The following ZNF878 variants were observed in gnomAD, a reference collection of about 807,000 sequenced individuals.
ZNF878 encodes zinc finger protein 878.
In ZNF878, 10 loss-of-function variants were observed where a neutral mutation model predicts 11.1. The observed-to-expected ratio is 0.90, with a 90% CI of 0.56 to 1.53. ZNF878 has a LOEUF of 1.53. Among genes scored for constraint, ZNF878 ranks in the 40% most tolerant of loss-of-function variants. The pLI is 0.00. For synonymous variants in ZNF878, 165 were observed against 209.7 expected (o/e 0.79, Z 1.84); for missense variants, 548 against 626.1 (o/e 0.88, Z 1.33).
chr19:12,052,683 C>T, intron 1 of ZNF878, 116 bp downstream of exon 1: 2 of 1,327,442 alleles, frequency 1.5e-6, no homozygotes, highest in Non-Finnish European at 2.0e-6. Flanking sequence ...GCTAGGGGGA[C>T]TGTGTCTGGA....
rs2051149061 is a variant in ZNF878 at position 12,044,952 on chromosome 19, T to G, written c.449A>C (p.Lys150Thr). 1.2e-6 allele frequency: 2 copies of G among 1,614,038 alleles called. No individual in the cohort carries two copies. Among genetic ancestry groups the G allele is most frequent in the Admixed American group, 3.3e-5 (2 of 59,992 alleles). The change falls in exon 4 of 4, where the codon AAA (lysine) becomes ACA (threonine). Residue 150 changes from lysine (K) to threonine (T), a missense_variant. Lys to Thr is a moderately conservative substitution (Grantham distance 78). Around this residue, in one of 3 missense-constraint regions of ZNF878, gnomAD observed 160 missense variants for 173.3 expected, o/e 0.92. Coordinates refer to ENST00000547628, the MANE Select transcript of ZNF878 (RefSeq NM_001080404.3). ...EKPYECKECG[K>T]AFRFPSSVRR... Reference sequence around the variant, plus strand: ...AACAGAACTGGGAAACCTGAATGCTTTCCCACATTCCTTACATTCATAAGG... The same window carrying G: ...AACAGAACTGGGAAACCTGAATGCTGTCCCACATTCCTTACATTCATAAGG...
At position 12,043,964 on chromosome 19, in the gene ZNF878, A is replaced by C. The variant is rs1194308455; in HGVS notation, c.1437T>G (p.Tyr479Ter). Residue 479 changes from tyrosine to a stop codon, truncating the protein, a stop_gained, in exon 4 of 4, where the codon TAT becomes TAG. Coordinates refer to ENST00000547628, the MANE Select transcript of ZNF878 (RefSeq NM_001080404.3). LOFTEE classifies it low-confidence loss of function (END_TRUNC). ...HKRTHTGEKP[Y>*]KCKQCGKAFI... ...AGGCTTTCCCACACTGTTTACATTT[A>C]TAGGGTTTCTCTCCAGTGTGAGTCC... The C allele has an allele frequency of 1.9e-6, 3 of 1,610,854 alleles. No individual in the cohort carries two copies. The highest frequency in any genetic ancestry group is 2.5e-6 in the Non-Finnish European group (3 of 1,177,730).
Position 12,045,926 on chromosome 19 carries a change from G to A in ZNF878, c.191+442C>T, listed in dbSNP as rs144221391. ...AGTAGAGACAGGCTTTCACCATGTT[G>A]GCCAGGATGGTCTCAATCTCTTGAC... On this transcript the variant is annotated intron_variant, in intron 3 of 3. Transcript: ENST00000547628. Among the ~76,000 whole-genome samples the A allele has an allele frequency of 9.3e-3, 1,418 of 152,012 alleles. 18 individuals are homozygous for A. Among genetic ancestry groups the A allele is most frequent in the African/African-American group, 0.033 (1,353 of 41,460 alleles).
chr19:12,050,472 T>C (rs180838096), intron 1 of ZNF878, among the ~76,000 whole-genome samples: 1 of 152,260 alleles, frequency 6.6e-6, no homozygotes, highest in Non-Finnish European at 1.5e-5. Context: ...AATGTGAAAA[T>C]AGGTGATTCA....
chr19:12,046,246 G>A lies in ZNF878; in HGVS notation c.191+122C>T, dbSNP rs1205119001. The A allele has an allele frequency of 4.1e-6, 3 of 740,382 alleles. No homozygotes were observed. The African/African-American group carries it at 5.4e-5, about 13-fold the overall frequency. 45.9% of individuals were successfully genotyped at this position (740,382 alleles called of 1,614,324 possible). ...TCACACTTTATATGTTTCTAGGGAA[G>A]CTTTTCTAAGAATAAATACATTGGA... is the stretch of plus-strand genomic sequence containing the variant. On this transcript the variant is annotated intron_variant, in intron 3 of 3. Coordinates refer to ENST00000547628, the MANE Select transcript of ZNF878 (RefSeq NM_001080404.3).
At chr19:12,050,865 T>C (rs1356477985) in intron 1 of ZNF878, among the ~76,000 whole-genome samples, 1 of 146,512 alleles carries the variant, frequency 6.8e-6, no homozygotes, top group Non-Finnish European at 1.5e-5. Context: ...AAGGCCGAGG[T>C]GGGTGGATCA....
At chr19:12,049,297 C>A (rs1599391422) in intron 1 of ZNF878, among the ~76,000 whole-genome samples, 1 of 150,720 alleles carries the variant, frequency 6.6e-6, no homozygotes, top group Non-Finnish European at 1.5e-5. Context: ...CCCATCTCTA[C>A]TAAAAATACA....
In ZNF878 at chr19:12,052,239, G is replaced by A. The variant is rs551181154; in HGVS notation, c.3+560C>T. 5.3e-5 allele frequency among the ~76,000 whole-genome samples: 8 copies of A among 152,272 alleles called. No individual in the cohort carries two copies. In the South Asian group the frequency reaches 1.5e-3, roughly 28 times the overall value. ...GATTGCTTACTCCAGACTTCGCGGG[G>A]TTGTGTTTCCCTCAGCCGAGGTCTC... is the stretch of plus-strand genomic sequence containing the variant. On this transcript the variant is annotated intron_variant, in intron 1 of 3. Coordinates refer to ENST00000547628, the MANE Select transcript of ZNF878 (RefSeq NM_001080404.3).
At chr19:12,045,489 A>T (rs1054067665) in intron 3 of ZNF878, among the ~76,000 whole-genome samples, 6 of 151,996 alleles carry the variant, frequency 3.9e-5, no homozygotes, top group African/African-American at 1.2e-4. Flanking sequence ...CTACTAAAAA[A>T]TACAAAAAAT....
intron 1 of ZNF878, among the ~76,000 whole-genome samples, chr19:12,049,473 A>AAAAAAAAAAAAAAAAAAAAAAT (rs1975529961): frequency 6.8e-6 from 1 of 147,598 alleles, no homozygotes; most frequent in African/African-American, 2.5e-5. Flanking sequence ...AAAAAAAAAA[A>AAAAAAAAAAAAAAAAAAAAAAT]AAAAAAAAGA....
chr19:12,052,739 C>G, intron 1 of ZNF878, 60 bp downstream of exon 1: 1 of 1,531,686 alleles, frequency 6.5e-7, no homozygotes, highest in Non-Finnish European at 8.7e-7. Flanking sequence ...ACAGCGGGTT[C>G]CTCTCGGTTC....
chr19:12,052,814 A>T lies in ZNF878; in HGVS notation c.-13T>A. The stretch of plus-strand genomic sequence containing the variant: ...GCATGCTCACCATTTCCTGGCTTCC[A>T]GGTATTCTGGCGTCCTCTCTAAAGG... On this transcript the variant is annotated 5_prime_UTR_variant, in exon 1 of 4. Transcript: ENST00000547628. 2 of 1,535,876 alleles carry T rather than the reference A, an allele frequency of 1.3e-6. No homozygotes were observed. Among genetic ancestry groups the T allele is most frequent in the Non-Finnish European group, 1.7e-6 (2 of 1,146,704 alleles).
chr19:12,044,988 G>A lies in ZNF878; in HGVS notation c.413C>T (p.Thr138Ile), dbSNP rs1164478780. 3.1e-6 allele frequency: 5 copies of A among 1,614,038 alleles called. No individual in the cohort carries two copies. Among genetic ancestry groups the A allele is most frequent in the South Asian group, 1.1e-5 (1 of 91,074 alleles). ...CTTACATTCATAAGGCTTTTCCCCAGTGTGAGTTCTTCCATGTATTGCAAG... is the reference window on the plus strand; with the variant it reads ...CTTACATTCATAAGGCTTTTCCCCAATGTGAGTTCTTCCATGTATTGCAAG... ...SSLAIHGRTH[T>I]GEKPYECKEC... Residue 138 changes from threonine (T) to isoleucine (I), a missense_variant, in exon 4 of 4, where the codon ACT (threonine) becomes ATT (isoleucine). Physicochemically the swap from Thr to Ile is moderately conservative, Grantham distance 89 (BLOSUM62 -1). This residue lies in a region of ZNF878 where 160 missense variants were observed against 173.3 expected (regional missense o/e 0.92). Coordinates refer to ENST00000547628, the MANE Select transcript of ZNF878 (RefSeq NM_001080404.3).
At position 12,045,171 on chromosome 19, in the gene ZNF878, C is replaced by G. The variant is rs1975459877; in HGVS notation, c.230G>C (p.Ser77Thr). ...TGTCAAAACTTCTCCATGCTGATGA[C>G]TTTCTTTACTTTCAGAGAGTCTCTC... ...IGERLSESKESHQHGEVLTQV... is the reference protein window; with the variant it reads ...IGERLSESKETHQHGEVLTQV... Residue 77 changes from serine (S) to threonine (T), a missense_variant, in exon 4 of 4, where the codon AGT becomes ACT. This residue lies in a region of ZNF878 where 160 missense variants were observed against 173.3 expected (regional missense o/e 0.92). Transcript: ENST00000547628. 5 of 1,611,074 alleles carry G rather than the reference C, an allele frequency of 3.1e-6. No homozygotes were observed. The highest frequency in any genetic ancestry group is 4.2e-6 in the Non-Finnish European group (5 of 1,178,598).
intron 1 of ZNF878, among the ~76,000 whole-genome samples, chr19:12,047,422 G>C (rs1260974323): frequency 1.3e-5 from 2 of 151,912 alleles, no homozygotes; most frequent in African/African-American, 4.8e-5. Context: ...AAATTAGCCA[G>C]GCATAGTGAT....
rs1042199974 is a variant in ZNF878, at chr19:12,046,685, T to G, written c.79A>C (p.Asn27His). The G allele has an allele frequency of 6.2e-6, 10 of 1,613,926 alleles. No individual in the cohort carries two copies. Among genetic ancestry groups the G allele is most frequent in the Non-Finnish European group, 3.4e-6 (4 of 1,180,012 alleles). ...TCCTGCATCACTTCCCTGTAGAGAT[T>G]TTTCTGGGAAGGATCCAGCAAAGCC... is the stretch of plus-strand genomic sequence containing the variant. Reference protein sequence around the residue: ...EWALLDPSQKNLYREVMQETL... With the variant: ...EWALLDPSQKHLYREVMQETL... The change falls in exon 2 of 4, where the codon AAT becomes CAT. Residue 27 changes from asparagine to histidine, a missense_variant. Asn to His is a moderately conservative substitution (Grantham distance 68). This residue lies in a region of ZNF878 where 160 missense variants were observed against 173.3 expected (regional missense o/e 0.92). Coordinates refer to ENST00000547628, the MANE Select transcript of ZNF878 (RefSeq NM_001080404.3).
At chr19:12,043,804 T>G (rs1419263065), downstream of ZNF878, 1 of 1,591,378 alleles carries the variant, frequency 6.3e-7, no homozygotes, top group Admixed American at 1.8e-5. Context: ...CCATAGAGTT[T>G]CTAGCCAGCG....
rs1397991162 is a variant in ZNF878, at chr19:12,044,332, G to A, written c.1069C>T (p.His357Tyr). 2.5e-6 allele frequency: 4 copies of A among 1,612,660 alleles called. No homozygotes were observed. Among genetic ancestry groups the A allele is most frequent in the South Asian group, 1.1e-5 (1 of 91,068 alleles). Residue 357 changes from histidine to tyrosine, a missense_variant, in exon 4 of 4, where the codon CAT (histidine) becomes TAT (tyrosine). Coordinates refer to ENST00000547628, the MANE Select transcript of ZNF878 (RefSeq NM_001080404.3). ...TTCTCTCCAGTGTGTGTCCTTTCATGTATTCGAAGATCCTTGACAAAACTG... is the reference window on the plus strand; with the variant it reads ...TTCTCTCCAGTGTGTGTCCTTTCATATATTCGAAGATCCTTGACAAAACTG... ...AFSFVKDLRI[H>Y]ERTHTGEKPF... is the part of the protein sequence containing the mutation.
rs1332580633 is a variant in ZNF878 at position 12,044,189 on chromosome 19, G to A, written c.1212C>T (p.Phe404=). ...PYECKQCGKA[F]RSASVLQKHI... is the part of the protein sequence containing the mutation. ...GCTTTTGAAGGACTGAGGCAGATCTGAAGGCTTTCCCACATTGCTTACACT... is the reference window on the plus strand; with the variant it reads ...GCTTTTGAAGGACTGAGGCAGATCTAAAGGCTTTCCCACATTGCTTACACT... The change falls in exon 4 of 4, where the codon TTC becomes TTT. Residue 404 remains phenylalanine, a synonymous_variant. Transcript: ENST00000547628. 1.9e-6 allele frequency: 3 copies of A among 1,612,720 alleles called. No individual in the cohort carries two copies. The highest frequency in any genetic ancestry group is 1.7e-6 in the Non-Finnish European group (2 of 1,179,602).
Sources: allele counts gnomAD v4.1 joint callset (sites outside exome capture counted in the v4.1 genomes callset), GRCh38; gene constraint gnomAD v4.1.1; regional missense constraint gnomAD v4.1.1; transcripts MANE v1.5; gene names NCBI Gene and HGNC (gene_info 2026-07-23, HGNC 2026-07-21).